Variants in ZNF518A observed in about 807,000 individuals in gnomAD.
ZNF518A encodes zinc finger protein 518A.
Under a neutral mutation model 102.7 loss-of-function variants are expected in ZNF518A, and 47 were observed. The observed-to-expected ratio is 0.46, with a 90% CI of 0.36 to 0.58. The LOEUF is 0.58. Ranked by LOEUF, ZNF518A falls within the 20% of genes least tolerant of loss-of-function variation. ZNF518A has a pLI of 0.00. For synonymous variants in ZNF518A, 652 were observed against 594.6 expected (o/e 1.10, Z -1.40); for missense variants, 1,793 against 1,699.8 (o/e 1.05, Z -0.96).
At chr10:96,139,772 C>T (rs2081818894) in intron 3 of ZNF518A, among the ~76,000 whole-genome samples, 1 of 152,144 alleles carries the variant, frequency 6.6e-6, no homozygotes, top group Non-Finnish European at 1.5e-5. Flanking sequence ...TGTTTTCATT[C>T]ATGTTAGAAA....
chr10:96,158,737 A>G lies in ZNF518A; in HGVS notation c.2415A>G (p.Pro805=). 1 of 1,613,402 alleles carries G rather than the reference A, an allele frequency of 6.2e-7. No individual in the cohort carries two copies. Among genetic ancestry groups the G allele is most frequent in the Non-Finnish European group, 8.5e-7 (1 of 1,179,548 alleles). Residue 805 remains proline, a synonymous_variant, in exon 6 of 6, where the codon CCA becomes CCG. Coordinates refer to ENST00000316045, the MANE Select transcript of ZNF518A (RefSeq NM_001330736.2). ...PDVKQDSSNT[P]NKGLPLHCDQ... ...TAAAACAAGACTCTAGTAACACTCC[A>G]AATAAAGGCTTGCCACTTCATTGTG... is the stretch of plus-strand genomic sequence containing the variant.
intron 3 of ZNF518A, among the ~76,000 whole-genome samples, chr10:96,145,919 T>G (rs1188462152): frequency 2.6e-5 from 4 of 152,222 alleles, no homozygotes; most frequent in African/African-American, 9.6e-5. Context: ...TATGCCAGTG[T>G]GGAGGCCATG....
chr10:96,202,033 G>A (rs7099132), intron 1 of ZNF518A, among the ~76,000 whole-genome samples: 14,067 of 152,130 alleles, frequency 0.092, 728 homozygotes, highest in South Asian at 0.14. Flanking sequence ...CCGGGTAGAG[G>A]GAGCTGTGAA....
In ZNF518A at chr10:96,162,216, G is replaced by A. The variant is rs1310810558; in HGVS notation, c.*1442G>A. 14 of 166,816 alleles carry A rather than the reference G, an allele frequency of 8.4e-5. No homozygotes were observed. The highest frequency in any genetic ancestry group is 1.3e-4 in the Non-Finnish European group (9 of 68,014). The allele number at this position is 166,816 out of a possible 1,614,324, so 10.3% of individuals were successfully genotyped here. A position where few individuals can be genotyped will look rare whatever the true frequency, so the allele number is the denominator to read the frequency against. ...TTTTGCACAGAAATTTTTGGCATAA[G>A]TTTATTTTCTTTCAGTTTAGTTCAG... is the stretch of plus-strand genomic sequence containing the variant. On this transcript the variant is annotated 3_prime_UTR_variant, in exon 6 of 6. Coordinates refer to ENST00000316045, the MANE Select transcript of ZNF518A (RefSeq NM_001330736.2).
chr10:96,187,941 G>A (rs2133899513), intron 1 of ZNF518A, among the ~76,000 whole-genome samples: 1 of 152,288 alleles, frequency 6.6e-6, no homozygotes, highest in South Asian at 2.1e-4. Context: ...CGCCTCCCAG[G>A]TTCAAGTGAT....
chr10:96,170,265 G>A (rs1300145772), intron 1 of ZNF518A, among the ~76,000 whole-genome samples: 1 of 152,146 alleles, frequency 6.6e-6, no homozygotes, highest in Non-Finnish European at 1.5e-5. Context: ...TGTCACCCCA[G>A]GCAGCAGCAA....
intron 1 of ZNF518A, chr10:96,191,967 C>A (rs918547258): frequency 2.5e-6 from 4 of 1,612,364 alleles, no homozygotes; most frequent in Non-Finnish European, 3.4e-6. Context: ...TCTTTTTTTT[C>A]CCCCTTTATG....
At chr10:96,140,582 T>C (rs1433142187) in intron 3 of ZNF518A, among the ~76,000 whole-genome samples, 1 of 152,174 alleles carries the variant, frequency 6.6e-6, no homozygotes, top group Non-Finnish European at 1.5e-5. Context: ...CAATGGCTCT[T>C]ATGTCACTTT....
At chr10:96,187,320 A>G (rs1554892689) in intron 1 of ZNF518A, among the ~76,000 whole-genome samples, 1 of 152,192 alleles carries the variant, frequency 6.6e-6, no homozygotes, top group Admixed American at 6.5e-5. Flanking sequence ...CATTACTGGA[A>G]AAATATTGTT....
At chr10:96,142,805 C>CTT (rs782256155) in intron 3 of ZNF518A, among the ~76,000 whole-genome samples, 7 of 137,642 alleles carry the variant, frequency 5.1e-5, no homozygotes, top group East Asian at 2.1e-4. Flanking sequence ...TGTGTGATTT[C>CTT]TTTTTTTTTT....
intron 1 of ZNF518A, among the ~76,000 whole-genome samples, chr10:96,175,609 G>A (rs1215396861): frequency 6.6e-6 from 1 of 152,186 alleles, no homozygotes; most frequent in Non-Finnish European, 1.5e-5. Context: ...AGGGGTTGGT[G>A]AGTGGAAGCC....
At position 96,163,006 on chromosome 10, in the gene ZNF518A, T is replaced by C. The variant is rs1350646850; in HGVS notation, c.*2232T>C. 6.6e-6 allele frequency: 1 copy of C among 152,206 alleles called. No individual in the cohort carries two copies. The highest frequency in any genetic ancestry group is 2.6e-5 in the African/African-American group (1 of 38,854). The allele number at this position is 152,206 out of a possible 1,614,324, so 9.4% of individuals were successfully genotyped here. A position where few individuals can be genotyped will look rare whatever the true frequency, so the allele number is the denominator to read the frequency against. ...CAGCAATAAAATTAAAATGCTCTGT[T>C]TGTTACATATAGATCTGTTATGAGA... On this transcript the variant is annotated 3_prime_UTR_variant, in exon 6 of 6. Coordinates refer to ENST00000316045, the MANE Select transcript of ZNF518A (RefSeq NM_001330736.2).
At chr10:96,204,954 T>C (rs1180806150), downstream of ZNF518A, 4 of 338,362 alleles carry the variant, frequency 1.2e-5, no homozygotes, top group African/African-American at 2.2e-5. Context: ...AGCCACCCTC[T>C]AAACAACTCA....
chr10:96,133,802 G>A (rs1165541361), intron 3 of ZNF518A, among the ~76,000 whole-genome samples, 154 bp downstream of exon 3: 1 of 152,148 alleles, frequency 6.6e-6, no homozygotes, highest in African/African-American at 2.4e-5. Flanking sequence ...ATGGATTTCT[G>A]TTCAGGGCCA....
At chr10:96,181,696 T>C (rs1289991928) in intron 1 of ZNF518A, among the ~76,000 whole-genome samples, 5 of 152,240 alleles carry the variant, frequency 3.3e-5, no homozygotes, top group African/African-American at 9.6e-5. Flanking sequence ...GTTCCATTGG[T>C]CTATCTGTTT....
At chr10:96,198,363 C>T (rs2083530224) in intron 1 of ZNF518A, among the ~76,000 whole-genome samples, 1 of 152,156 alleles carries the variant, frequency 6.6e-6, no homozygotes, top group South Asian at 2.1e-4. Context: ...AGACTATGAT[C>T]TAAGAAAACT....
At position 96,160,116 on chromosome 10, in the gene ZNF518A, ACT is replaced by A; in HGVS notation, c.3797_3798del (p.Ser1266Ter). 1 of 1,610,930 alleles carries A rather than the reference ACT, an allele frequency of 6.2e-7. No individual in the cohort carries two copies. The highest frequency in any genetic ancestry group is 8.5e-7 in the Non-Finnish European group (1 of 1,179,022). ...AAAACAAAAACTCATGGAAGTAAAGACTCTGAAACTGCCTTTGTATCTAGAAA... is the reference window on the plus strand; with the variant it reads ...AAAACAAAAACTCATGGAAGTAAAGACTGAAACTGCCTTTGTATCTAGAAA... On this transcript the variant is annotated frameshift_variant, in exon 6 of 6. Coordinates refer to ENST00000316045, the MANE Select transcript of ZNF518A (RefSeq NM_001330736.2). LOFTEE classifies it high-confidence loss of function.
intron 1 of ZNF518A, among the ~76,000 whole-genome samples, chr10:96,194,190 A>G (rs1227834030): frequency 6.6e-6 from 1 of 152,174 alleles, no homozygotes; most frequent in African/African-American, 2.4e-5. Context: ...CAGGACCTCG[A>G]AATAGGACAG....
chr10:96,159,900 T>C lies in ZNF518A; in HGVS notation c.3578T>C (p.Leu1193Ser). The C allele has an allele frequency of 6.2e-7, 1 of 1,613,532 alleles. No homozygotes were observed. Among genetic ancestry groups the C allele is most frequent in the Middle Eastern group, 1.6e-4 (1 of 6,062 alleles). ...EQKEPESRDALPFLLDDLMPA... is the reference protein window; with the variant it reads ...EQKEPESRDASPFLLDDLMPA... Reference sequence around the variant, plus strand: ...AAAGAGCCAGAATCTAGAGATGCCTTACCCTTCTTACTAGATGACTTAATG... The same window carrying C: ...AAAGAGCCAGAATCTAGAGATGCCTCACCCTTCTTACTAGATGACTTAATG... The change falls in exon 6 of 6, where the codon TTA (leucine) becomes TCA (serine). Residue 1193 changes from leucine (L) to serine (S), a missense_variant. Leu to Ser is a moderately radical substitution (Grantham distance 145). Transcript: ENST00000316045.
Sources: gnomAD v4.1 joint callset for allele counts (sites outside exome capture counted in the v4.1 genomes callset) on GRCh38, gnomAD v4.1.1 for gene constraint, MANE v1.5 for transcripts, NCBI Gene and HGNC (gene_info 2026-07-23, HGNC 2026-07-21) for gene names.